Variants in PCTP observed in about 807,000 individuals in gnomAD.
The protein encoded by PCTP is START domain-containing protein 2.
A neutral mutation model predicts 31.0 loss-of-function variants in PCTP; 27 were observed. The observed-to-expected ratio is 0.87, with a 90% confidence interval of 0.64 to 1.20. The LOEUF (loss-of-function observed/expected upper bound fraction) is 1.20. Among genes scored for constraint, PCTP ranks in the 50% most tolerant of loss-of-function variants. The pLI is 0.00. For missense variants in PCTP, 287 were observed against 268.2 expected (o/e 1.07, Z -0.49); for synonymous variants, 108 against 101.2 (o/e 1.07, Z -0.40).
chr17:55,781,877 T>G (rs1911575234), downstream of PCTP, among the ~76,000 whole-genome samples: 1 of 152,158 alleles, frequency 6.6e-6, no homozygotes, highest in Non-Finnish European at 1.5e-5. Context: ...CCTGACACAT[T>G]TCTCAGTATG....
intron 3 of PCTP, among the ~76,000 whole-genome samples, chr17:55,771,609 C>A (rs1416993278): frequency 6.6e-6 from 1 of 152,194 alleles, no homozygotes; most frequent in Non-Finnish European, 1.5e-5. Flanking sequence ...GGTGCTGGAA[C>A]TCAGGCCTCT....
intron 5 of PCTP, among the ~76,000 whole-genome samples, chr17:55,828,300 G>C (rs532795419): frequency 9.9e-5 from 15 of 152,242 alleles, no homozygotes; most frequent in African/African-American, 2.6e-4. Context: ...TTGGGGGCTG[G>C]GCATCTGAAA....
chr17:55,766,610 C>T (rs1322092058), intron 1 of PCTP, among the ~76,000 whole-genome samples: 2 of 152,184 alleles, frequency 1.3e-5, no homozygotes, highest in Non-Finnish European at 2.9e-5. Context: ...TTTATGGCTG[C>T]ATAGTATTCC....
intron 2 of PCTP, 26 bp from the exon 3 acceptor site, chr17:55,771,080 C>T: frequency 3.8e-6 from 6 of 1,572,438 alleles, no homozygotes; most frequent in Non-Finnish European, 4.4e-6. Context: ...CTTCCAGATG[C>T]ATTAACTTCT....
chr17:55,840,919 T>C (rs1189915289), intron 5 of PCTP, among the ~76,000 whole-genome samples: 5 of 152,182 alleles, frequency 3.3e-5, no homozygotes, highest in African/African-American at 1.2e-4. Flanking sequence ...TCCAAAAAAG[T>C]CTGAAATCCT....
chr17:55,773,836 G>C lies in PCTP; in HGVS notation c.452G>C (p.Arg151Pro), dbSNP rs762655094. The change falls in exon 4 of 6, where the codon CGG (arginine) becomes CCG (proline). Residue 151 changes from arginine (R) to proline (P), a missense_variant. Transcript: ENST00000268896. ...PQLGERSGVI[R>P]VKQYKQSLAI... ...CTTGGCGAGAGGTCTGGGGTGATCC[G>C]GGTGAAGCAATACAAGCAGAGCCTG... is the stretch of plus-strand genomic sequence containing the variant. The C allele has an allele frequency of 6.2e-7, 1 of 1,613,050 alleles. No homozygotes were observed.
intron 1 of PCTP, among the ~76,000 whole-genome samples, chr17:55,760,999 T>C (rs1910312210): frequency 6.6e-6 from 1 of 152,172 alleles, no homozygotes; most frequent in Non-Finnish European, 1.5e-5. Context: ...TCTGGAACAA[T>C]GATTTGGGAA....
chr17:55,764,914 A>G (rs1026557418), intron 1 of PCTP, among the ~76,000 whole-genome samples: 6 of 152,206 alleles, frequency 3.9e-5, no homozygotes, highest in Non-Finnish European at 8.8e-5. Context: ...CTTTAATTTT[A>G]ATAATAGAGC....
At chr17:55,784,809 A>C (rs1320179672) in intron 2 of PCTP, among the ~76,000 whole-genome samples, 3 of 152,224 alleles carry the variant, frequency 2.0e-5, no homozygotes, top group African/African-American at 7.2e-5. Context: ...CTGAGACCTA[A>C]AAAATTCCAT....
At chr17:55,777,951 AAG>A (rs529685800), downstream of PCTP, among the ~76,000 whole-genome samples, 245 of 152,338 alleles carry the variant, frequency 1.6e-3, 1 homozygote, top group African/African-American at 5.7e-3. Context: ...TAGTCACTGA[AAG>A]AGAATTGGCA....
At position 55,809,583 on chromosome 17, in the gene PCTP, C is replaced by T. The variant is rs371151615; in HGVS notation, c.318-13178C>T. Among the ~76,000 whole-genome samples the T allele has an allele frequency of 3.6e-4, 53 of 145,860 alleles. 1 individual carries two copies. In the East Asian group the frequency reaches 8.5e-3, roughly 23 times the overall value. On this transcript the variant is annotated intron_variant, in intron 3 of 3. Transcript: ENST00000572536. ...TGTCACCCAGGCTGGAGTGCAATGGCGCGATCTCAACTCACTGCAACCTCC... is the reference window on the plus strand; with the variant it reads ...TGTCACCCAGGCTGGAGTGCAATGGTGCGATCTCAACTCACTGCAACCTCC...
rs542253992 is a variant in PCTP, at chr17:55,816,999, T to C, written c.318-5762T>C. 3.9e-5 allele frequency among the ~76,000 whole-genome samples: 6 copies of C among 152,330 alleles called. No homozygotes were observed. In the East Asian group the frequency reaches 1.2e-3, roughly 29 times the overall value. On this transcript the variant is annotated intron_variant, in intron 3 of 3. Coordinates refer to the PCTP transcript ENST00000572536. ...GTAAATTTCCTGGTAAAAGATCCCA[T>C]TTTAATAGAATGTGAAAGCTGCAAG...
intron 3 of PCTP, among the ~76,000 whole-genome samples, chr17:55,771,714 C>T (rs1911016967): frequency 6.6e-6 from 1 of 152,114 alleles, no homozygotes; most frequent in South Asian, 2.1e-4. Flanking sequence ...AAGCTTCTTC[C>T]CCTCAATGTC....
intron 3 of PCTP, among the ~76,000 whole-genome samples, chr17:55,814,731 T>A (rs1671676960): frequency 6.6e-6 from 1 of 152,152 alleles, no homozygotes; most frequent in Admixed American, 6.5e-5. Flanking sequence ...TCTCTGCATG[T>A]CCCAGGGAAA....
In PCTP at chr17:55,808,181, G is replaced by T. The variant is rs150285659; in HGVS notation, c.318-14580G>T. On this transcript the variant is annotated intron_variant, in intron 3 of 3. Transcript: ENST00000572536. ...CATAGCTTATAAATATTAGACCAAG[G>T]TTTGGAACCCAAGTCTTCAAGTCTT... Among the ~76,000 whole-genome samples the T allele has an allele frequency of 6.3e-3, 965 of 152,240 alleles. 5 individuals are homozygous for T. The highest frequency in any genetic ancestry group is 0.011 in the Non-Finnish European group (729 of 68,006).
At chr17:55,759,998 G>T (rs1367649105) in intron 1 of PCTP, among the ~76,000 whole-genome samples, 1 of 151,886 alleles carries the variant, frequency 6.6e-6, no homozygotes, top group African/African-American at 2.4e-5. Flanking sequence ...TTGCACAGAT[G>T]TTTTTTTTCA....
chr17:55,819,873 C>T (rs1454342223), intron 3 of PCTP, among the ~76,000 whole-genome samples: 1 of 152,046 alleles, frequency 6.6e-6, no homozygotes, highest in Non-Finnish European at 1.5e-5. Flanking sequence ...CTCTCAATTA[C>T]AATAAATTGA....
intron 3 of PCTP, among the ~76,000 whole-genome samples, chr17:55,820,404 G>T (rs956633930): frequency 6.6e-6 from 1 of 152,196 alleles, no homozygotes; most frequent in Admixed American, 6.5e-5. Flanking sequence ...CTAGGGGCTG[G>T]TGAGAGCTGC....
chr17:55,789,783 A>C (rs1911888992), intron 3 of PCTP, among the ~76,000 whole-genome samples: 1 of 152,186 alleles, frequency 6.6e-6, no homozygotes, highest in Non-Finnish European at 1.5e-5. Context: ...AAAAGAGGGA[A>C]TCCTCCCTAA....
Sources: allele counts gnomAD v4.1 joint callset (sites outside exome capture counted in the v4.1 genomes callset), GRCh38; gene constraint gnomAD v4.1.1; transcripts MANE v1.5; gene names NCBI Gene and HGNC (gene_info 2026-07-23, HGNC 2026-07-21).